RAB37: variants seen among roughly 807,000 people sequenced by gnomAD.
The protein encoded by RAB37 is RAB37, member RAS oncogene family.
In RAB37, 29 loss-of-function variants were observed where a neutral mutation model predicts 33.1. The ratio of observed to expected loss-of-function variants is 0.88; its 90% CI spans 0.65 to 1.20. The LOEUF (loss-of-function observed/expected upper bound fraction) is 1.20, where lower values mean the gene tolerates loss of function less well. RAB37 is among the 50% of genes most tolerant of loss of function. The pLI is 0.00. For synonymous variants in RAB37, 128 were observed against 119.5 expected (o/e 1.07, Z -0.47); for missense variants, 299 against 301.1 (o/e 0.99, Z 0.05).
rs1286348106 is a variant in RAB37, at chr17:74,738,357, G to A, written c.93+992G>A. ...CCCTGCAAGTCATCCGCCCAGAGCC[G>A]TTGAGATAGGCGTCCTGTGTGGGCT... On this transcript the variant is annotated intron_variant, in intron 1 of 8. Transcript: ENST00000392613. This position sits in a 1 kb window ranked among gnomAD's most constrained non-coding sequence, Gnocchi z 5.0. Among the ~76,000 whole-genome samples the A allele has an allele frequency of 2.0e-5, 3 of 152,186 alleles. No individual in the cohort carries two copies. The highest frequency in any genetic ancestry group is 2.9e-5 in the Non-Finnish European group (2 of 68,032).
chr17:74,683,276 A>G (rs569049978), intron 1 of RAB37, among the ~76,000 whole-genome samples: 1 of 152,220 alleles, frequency 6.6e-6, no homozygotes, highest in Admixed American at 6.5e-5. Flanking sequence ...AGATGATCCA[A>G]CTGTGGACCA....
chr17:74,674,071 A>G (rs145126625), intron 1 of RAB37, among the ~76,000 whole-genome samples: 200 of 152,174 alleles, frequency 1.3e-3, no homozygotes, highest in South Asian at 9.3e-3. Context: ...TCCAACATTA[A>G]TTGCTAGGAT....
At chr17:74,710,699 A>G (rs1366825609) in intron 1 of RAB37, among the ~76,000 whole-genome samples, 1 of 141,654 alleles carries the variant, frequency 7.1e-6, no homozygotes, top group Admixed American at 7.1e-5. Context: ...TCTCTACTAA[A>G]AATACGAAAA....
intron 1 of RAB37, among the ~76,000 whole-genome samples, chr17:74,690,105 C>G (rs1260868679): frequency 6.6e-6 from 1 of 152,072 alleles, no homozygotes; most frequent in African/African-American, 2.4e-5. Context: ...TCGTGCACAA[C>G]CACACCCAGC....
chr17:74,692,941 T>C (rs1468048530), intron 1 of RAB37, among the ~76,000 whole-genome samples: 1 of 152,136 alleles, frequency 6.6e-6, no homozygotes, highest in Non-Finnish European at 1.5e-5. Flanking sequence ...AGACAGTAAC[T>C]AGGCACGGGG....
chr17:74,678,782 C>A (rs2031894225), intron 1 of RAB37, among the ~76,000 whole-genome samples: 1 of 152,120 alleles, frequency 6.6e-6, no homozygotes, highest in African/African-American at 2.4e-5. Flanking sequence ...CGTTTTTGTT[C>A]TCTGTCTCCC....
At chr17:74,694,150 T>A (rs554771113) in intron 1 of RAB37, among the ~76,000 whole-genome samples, 2 of 152,036 alleles carry the variant, frequency 1.3e-5, no homozygotes, top group African/African-American at 2.4e-5. Flanking sequence ...AACCTCTCCA[T>A]CCCTAGGGTT....
rs1268080630 is a variant in RAB37, at chr17:74,738,689, C to T, written c.93+1324C>T. On this transcript the variant is annotated intron_variant, in intron 1 of 8. Coordinates refer to ENST00000392613, the MANE Select transcript of RAB37 (RefSeq NM_001006638.3). The surrounding 1 kb of genome is among the most constrained non-coding windows in gnomAD (Gnocchi z 5.0). ...AGTGCAGGCTCCAGAAAGCTCCTAT[C>T]CCCCACCCCTTCATCTGTTCCCTGG... Among the ~76,000 whole-genome samples the T allele has an allele frequency of 6.6e-6, 1 of 152,172 alleles. No individual in the cohort carries two copies. The highest frequency in any genetic ancestry group is 1.5e-5 in the Non-Finnish European group (1 of 67,994).
At position 74,676,347 on chromosome 17, in the gene RAB37, G is replaced by A. The variant is rs1173033081; in HGVS notation, c.72+4689G>A. ...GTCTCAGAAAGACTGGGGGTGGGGG[G>A]CAGAAAAACGTGAGCTGCTCATCCA... On this transcript the variant is annotated intron_variant, in intron 1 of 7. Transcript: ENST00000340415. This position sits in a 1 kb window ranked among gnomAD's most constrained non-coding sequence, Gnocchi z 4.1. 6.6e-6 allele frequency among the ~76,000 whole-genome samples: 1 copy of A among 152,050 alleles called. No homozygotes were observed. Among genetic ancestry groups the A allele is most frequent in the African/African-American group, 2.4e-5 (1 of 41,388 alleles).
intron 1 of RAB37, among the ~76,000 whole-genome samples, chr17:74,701,255 T>C (rs2033026407): frequency 6.6e-6 from 1 of 152,252 alleles, no homozygotes; most frequent in Non-Finnish European, 1.5e-5. Context: ...CCTATTTGGT[T>C]ACACTAATTA....
intron 2 of RAB37, among the ~76,000 whole-genome samples, chr17:74,731,887 G>T (rs994057137): frequency 6.6e-6 from 1 of 152,116 alleles, no homozygotes; most frequent in African/African-American, 2.4e-5. Context: ...GCACACGCCT[G>T]TAATCCCAGC....
chr17:74,692,547 G>C (rs1454569684), intron 1 of RAB37, among the ~76,000 whole-genome samples: 3 of 152,062 alleles, frequency 2.0e-5, no homozygotes. Context: ...CCTACCTGCT[G>C]GGTCACCGGC....
Position 74,714,435 on chromosome 17 carries a change from G to T in RAB37, c.73-14821G>T, listed in dbSNP as rs60763451. On this transcript the variant is annotated intron_variant, in intron 1 of 7. Coordinates refer to the RAB37 transcript ENST00000340415. ...CACACACACACACACACACACACACGCACGCACAGAGAGGTTCAGAGAGAA... is the reference window on the plus strand; with the variant it reads ...CACACACACACACACACACACACACTCACGCACAGAGAGGTTCAGAGAGAA... Among the ~76,000 whole-genome samples, 9 of 113,320 alleles carry T rather than the reference G, an allele frequency of 7.9e-5. 1 individual carries two copies. The South Asian group carries it at 1.7e-3, about 21-fold the overall frequency. 74.3% of individuals were successfully genotyped at this position (113,320 alleles called of 152,430 possible).
chr17:74,685,832 T>G lies in RAB37; in HGVS notation c.72+14174T>G, dbSNP rs116255977. On this transcript the variant is annotated intron_variant, in intron 1 of 7. Coordinates refer to the RAB37 transcript ENST00000340415. ...GCAAAATCAATGCCAGTGGGAGATA[T>G]TCATTCACAAAGTGGATTCAAGACC... 9.1e-3 allele frequency among the ~76,000 whole-genome samples: 1,380 copies of G among 152,302 alleles called. 14 individuals carry two copies. Among genetic ancestry groups the G allele is most frequent in the African/African-American group, 0.032 (1,312 of 41,558 alleles).
In RAB37 at chr17:74,676,587, G is replaced by A. The variant is rs544910045; in HGVS notation, c.72+4929G>A. On this transcript the variant is annotated intron_variant, in intron 1 of 7. Transcript: ENST00000340415. This position sits in a 1 kb window ranked among gnomAD's most constrained non-coding sequence, Gnocchi z 4.1. ...TAATTTCTGTGTCCCTCAAAAGTCC[G>A]CATGCCTCATCGATTCATTCAGCAA... Among the ~76,000 whole-genome samples, 27 of 152,174 alleles carry A rather than the reference G, an allele frequency of 1.8e-4. No individual in the cohort carries two copies. Among genetic ancestry groups the A allele is most frequent in the Non-Finnish European group, 2.6e-4 (18 of 68,014 alleles).
intron 1 of RAB37, among the ~76,000 whole-genome samples, chr17:74,684,080 T>A (rs1301702848): frequency 6.6e-6 from 1 of 151,668 alleles, no homozygotes; most frequent in African/African-American, 2.4e-5. Context: ...ATAATGAGAG[T>A]CATTATTTTA....
At chr17:74,735,132 A>AAG (rs1215005068), upstream of RAB37, among the ~76,000 whole-genome samples, 31 of 147,796 alleles carry the variant, frequency 2.1e-4, no homozygotes, top group Admixed American at 7.4e-4. Context: ...AGAAAGAAAG[A>AAG]AGAGAGAGAG....
chr17:74,725,774 C>T (rs141040724), intron 1 of RAB37, among the ~76,000 whole-genome samples: 232 of 152,080 alleles, frequency 1.5e-3, no homozygotes, highest in African/African-American at 5.3e-3. Flanking sequence ...CAGGTGCCTG[C>T]CATCACGCCT....
intron 1 of RAB37, chr17:74,695,187 G>T (rs759949596): frequency 1.9e-6 from 3 of 1,614,098 alleles, no homozygotes; most frequent in Non-Finnish European, 2.5e-6. Flanking sequence ...GCAGTAGGTC[G>T]GTTCCTGATC....
Sources: allele counts gnomAD v4.1 joint callset (sites outside exome capture counted in the v4.1 genomes callset), GRCh38; gene constraint gnomAD v4.1.1; non-coding constraint Gnocchi (gnomAD v3.1); transcripts MANE v1.5; gene names NCBI Gene and HGNC (gene_info 2026-07-23, HGNC 2026-07-21).